Variants in IFT81 observed in about 807,000 individuals in gnomAD.
IFT81 encodes intraflagellar transport 81.
Under a neutral mutation model 102.6 loss-of-function variants are expected in IFT81, and 72 were observed. That is an observed-to-expected ratio of 0.70 (90% CI 0.58 to 0.85). The LOEUF is 0.85. IFT81 is among the 40% of genes least tolerant of loss of function. IFT81 has a pLI of 0.00. For synonymous variants in IFT81, 237 were observed against 242.7 expected (o/e 0.98, Z 0.22); for missense variants, 723 against 787.3 (o/e 0.92, Z 0.98).
chr12:110,194,880 C>T (rs778848360), intron 14 of IFT81, among the ~76,000 whole-genome samples: 1 of 152,000 alleles, frequency 6.6e-6, no homozygotes. Context: ...TTTTTCAGGA[C>T]GTGGGAGGAC....
At chr12:110,188,060 C>T (rs562774004) in intron 12 of IFT81, among the ~76,000 whole-genome samples, 12 of 152,236 alleles carry the variant, frequency 7.9e-5, no homozygotes, top group African/African-American at 1.7e-4. Context: ...CGGCCGGGCG[C>T]GGTGGCTCAC....
At chr12:110,212,574 T>C (rs1306365639) in intron 18 of IFT81, among the ~76,000 whole-genome samples, 13 of 142,816 alleles carry the variant, frequency 9.1e-5, no homozygotes, top group South Asian at 4.5e-4. Flanking sequence ...CAGTGGCTCA[T>C]GCCTGTAATC....
intron 11 of IFT81, among the ~76,000 whole-genome samples, chr12:110,166,671 C>T (rs1193290904): frequency 1.3e-5 from 2 of 151,190 alleles, no homozygotes; most frequent in Non-Finnish European, 3.0e-5. Context: ...AGACTATTGC[C>T]ATCCTAATGG....
intron 15 of IFT81, 185 bp from the exon 16 acceptor site, chr12:110,205,258 T>A: frequency 2.0e-6 from 1 of 509,584 alleles, no homozygotes; most frequent in Non-Finnish European, 3.3e-6. Context: ...AACTTGCAGG[T>A]TATAGAGTGA....
chr12:110,139,885 A>C (rs1011002194), intron 8 of IFT81, among the ~76,000 whole-genome samples: 20 of 145,986 alleles, frequency 1.4e-4, no homozygotes, highest in Non-Finnish European at 4.5e-5. Flanking sequence ...AAATAAAATA[A>C]AATAAAATAA....
intron 10 of IFT81, among the ~76,000 whole-genome samples, chr12:110,160,804 T>C (rs187144518): frequency 2.3e-3 from 344 of 152,346 alleles, no homozygotes; most frequent in Non-Finnish European, 4.0e-3. Context: ...TGATTTGGTT[T>C]CTGTAGTTTT....
At chr12:110,147,089 C>T (rs752791811) in intron 10 of IFT81, 41 bp downstream of exon 10, 3 of 1,483,410 alleles carry the variant, frequency 2.0e-6, no homozygotes, top group Non-Finnish European at 2.8e-6. Flanking sequence ...GATCTGTAAG[C>T]ATATTCATGA....
chr12:110,187,453 CAG>C (rs1287320127), intron 12 of IFT81, among the ~76,000 whole-genome samples: 2 of 152,050 alleles, frequency 1.3e-5, no homozygotes, highest in Non-Finnish European at 2.9e-5. Flanking sequence ...TTAGTAAAGA[CAG>C]AATTTCACCA....
At chr12:110,144,846 T>A (rs1211119310) in intron 9 of IFT81, among the ~76,000 whole-genome samples, 1 of 146,788 alleles carries the variant, frequency 6.8e-6, no homozygotes, top group African/African-American at 2.5e-5. Context: ...ATTAAAATGC[T>A]AGGTCAGGTG....
At chr12:110,148,069 C>G (rs1895322776) in intron 10 of IFT81, among the ~76,000 whole-genome samples, 1 of 151,998 alleles carries the variant, frequency 6.6e-6, no homozygotes, top group African/African-American at 2.4e-5. Context: ...TTTGCTGTCA[C>G]CTATCTGTCC....
intron 10 of IFT81, among the ~76,000 whole-genome samples, chr12:110,150,168 A>G (rs1159584395): frequency 6.6e-6 from 1 of 151,390 alleles, no homozygotes; most frequent in Non-Finnish European, 1.5e-5. Context: ...GTGCAATGGC[A>G]TGATCTTGGC....
At chr12:110,192,416 G>T (rs993443667) in intron 13 of IFT81, among the ~76,000 whole-genome samples, 1 of 152,106 alleles carries the variant, frequency 6.6e-6, no homozygotes, top group Non-Finnish European at 1.5e-5. Flanking sequence ...GAGAACTGAC[G>T]TTTTGAATGA....
intron 18 of IFT81, among the ~76,000 whole-genome samples, chr12:110,213,240 G>A (rs899204926): frequency 2.0e-5 from 3 of 151,860 alleles, no homozygotes; most frequent in Non-Finnish European, 4.4e-5. Flanking sequence ...TCTTTCTCCA[G>A]GTTACTCCCC....
At chr12:110,149,311 C>T (rs1238983867) in intron 10 of IFT81, among the ~76,000 whole-genome samples, 1 of 152,124 alleles carries the variant, frequency 6.6e-6, no homozygotes, top group Non-Finnish European at 1.5e-5. Flanking sequence ...TCTTTAGTGC[C>T]CCACTGCTCA....
chr12:110,173,360 C>G (rs1328110658), intron 11 of IFT81, among the ~76,000 whole-genome samples: 1 of 150,136 alleles, frequency 6.7e-6, no homozygotes, highest in Non-Finnish European at 1.5e-5. Flanking sequence ...GCCCCCCGCC[C>G]GGCCAGCCGC....
chr12:110,141,448 T>C (rs1270913176), intron 8 of IFT81, among the ~76,000 whole-genome samples: 1 of 152,192 alleles, frequency 6.6e-6, no homozygotes, highest in Non-Finnish European at 1.5e-5. Flanking sequence ...TTAATAAAAT[T>C]TTACATGTTA....
At chr12:110,209,255 G>A (rs1869092624) in intron 18 of IFT81, 39 bp downstream of exon 18, 2 of 1,083,236 alleles carry the variant, frequency 1.8e-6, no homozygotes, top group African/African-American at 1.6e-5. Flanking sequence ...GTGTCTAACT[G>A]ATTCAGGCTT....
At chr12:110,210,631 C>G (rs1869279907) in intron 18 of IFT81, among the ~76,000 whole-genome samples, 1 of 150,936 alleles carries the variant, frequency 6.6e-6, no homozygotes, top group Non-Finnish European at 1.5e-5. Flanking sequence ...TGCAGCTACT[C>G]TGGAGGCTAA....
intron 11 of IFT81, chr12:110,168,944 T>TA (rs1896587320): frequency 6.6e-6 from 1 of 152,190 alleles, no homozygotes; most frequent in Non-Finnish European, 1.5e-5. Context: ...TCACCTTGCC[T>TA]AAAGTATATG....
Sources: allele counts gnomAD v4.1 joint callset (sites outside exome capture counted in the v4.1 genomes callset), GRCh38; gene constraint gnomAD v4.1.1; transcripts MANE v1.5; gene names NCBI Gene and HGNC (gene_info 2026-07-23, HGNC 2026-07-21).